Variants in PPID observed in about 807,000 individuals in gnomAD.
PPID encodes peptidylprolyl isomerase D.
Under a neutral mutation model 48.1 loss-of-function variants are expected in PPID, and 47 were observed. The ratio of observed to expected loss-of-function variants is 0.98; its 90% CI spans 0.77 to 1.25. The LOEUF (loss-of-function observed/expected upper bound fraction) is 1.25, where lower values mean the gene tolerates loss of function less well. Ranked by LOEUF, PPID falls within the 50% of genes most tolerant of loss-of-function variation. The pLI, the probability that PPID is intolerant of heterozygous loss-of-function variation, is 0.00. For missense variants in PPID, 429 were observed against 443.5 expected, an observed-to-expected ratio of 0.97 and a Z score of 0.29; for synonymous variants, 163 against 148.8, an observed-to-expected ratio of 1.10 and a Z score of -0.69.
chr4:158,720,935 C>A (rs951649335), intron 2 of PPID, among the ~76,000 whole-genome samples: 13 of 152,148 alleles, frequency 8.5e-5, no homozygotes, highest in Admixed American at 2.0e-4. Flanking sequence ...AAGATGGTCT[C>A]GATCTCCTGA....
At chr4:158,711,632 T>C (rs1774792585) in intron 7 of PPID, among the ~76,000 whole-genome samples, 1 of 152,130 alleles carries the variant, frequency 6.6e-6, no homozygotes, top group Non-Finnish European at 1.5e-5. Flanking sequence ...GTAACATCTT[T>C]TAATGGCCAA....
chr4:158,714,421 A>G (rs6536366), intron 6 of PPID, among the ~76,000 whole-genome samples: 147,127 of 152,204 alleles, frequency 0.97, 71,295 homozygotes, highest in East Asian at 1. Context: ...CATACAGATG[A>G]AAGTCTATAA....
intron 1 of PPID, among the ~76,000 whole-genome samples, chr4:158,721,942 T>C (rs11941866): frequency 6.6e-6 from 1 of 152,024 alleles, no homozygotes; most frequent in Non-Finnish European, 1.5e-5. Context: ...TATCAAATTT[T>C]AAAAAAAATC....
chr4:158,715,198 T>C, intron 6 of PPID, 99 bp downstream of exon 6: 1 of 1,009,000 alleles, frequency 9.9e-7, no homozygotes, highest in East Asian at 3.0e-5. Context: ...ACCTGGTTAT[T>C]CCACAAGTAA....
chr4:158,715,187 C>T, intron 6 of PPID, 110 bp downstream of exon 6: 3 of 903,012 alleles, frequency 3.3e-6, no homozygotes, highest in East Asian at 3.1e-5. Flanking sequence ...TATTTCAACA[C>T]ACCTGGTTAT....
chr4:158,709,924 T>C (rs964626713), intron 9 of PPID, 100 bp from the exon 10 acceptor site: 2 of 905,258 alleles, frequency 2.2e-6, no homozygotes, highest in Non-Finnish European at 3.4e-6. Flanking sequence ...TGAAAAAACT[T>C]CTCTACAAAG....
chr4:158,710,476 T>C lies in PPID; in HGVS notation c.1024+152A>G, dbSNP rs979848254. ...GAGGGCAGGGACTTTGACTGTCTTG[T>C]TCATTGCTATATGATAATGCCTGGC... On this transcript the variant is annotated intron_variant, in intron 9 of 9. Transcript: ENST00000307720. 37 of 757,276 alleles carry C rather than the reference T, an allele frequency of 4.9e-5. No homozygotes were observed. The Admixed American group carries it at 8.5e-4, about 17-fold the overall frequency. The allele number at this position is 757,276 out of a possible 1,614,324, so 46.9% of individuals were successfully genotyped here. A position where few individuals can be genotyped will look rare whatever the true frequency, so the allele number is the denominator to read the frequency against.
In PPID at chr4:158,713,212, C is replaced by T; in HGVS notation, c.801G>A (p.Lys267=). 1.2e-6 allele frequency: 2 copies of T among 1,613,954 alleles called. No individual in the cohort carries two copies. Among genetic ancestry groups the T allele is most frequent in the Non-Finnish European group, 1.7e-6 (2 of 1,179,918 alleles). The part of the protein sequence containing the change: ...KAVIETADRA[K]LQPIALSCVL... ...CACAGCTTAAAGCTATAGGTTGCAG[C>T]TTGGCTCTATCTGCTGTCTCAATAA... Residue 267 remains lysine, a synonymous_variant, in exon 7 of 10, where the codon AAG becomes AAA. Coordinates refer to ENST00000307720, the MANE Select transcript of PPID (RefSeq NM_005038.3).
In PPID at chr4:158,710,711, A is replaced by G. The variant is rs1473694284; in HGVS notation, c.982-41T>C. 5.0e-6 allele frequency: 8 copies of G among 1,610,586 alleles called. No homozygotes were observed. In the East Asian group the frequency reaches 1.6e-4, roughly 31 times the overall value. On this transcript the variant is annotated intron_variant, in intron 8 of 9. Transcript: ENST00000307720. Reference sequence around the variant, plus strand: ...AACATTTAAGTTAGGTGTATGATTTATAAAGGTAGTTGTCTATTTTAAAAA... The same window carrying G: ...AACATTTAAGTTAGGTGTATGATTTGTAAAGGTAGTTGTCTATTTTAAAAA...
intron 7 of PPID, among the ~76,000 whole-genome samples, chr4:158,711,317 CCAGGCTCAAGTGCTCCTCCCACCT>C (rs1158608934): frequency 2.6e-5 from 4 of 152,190 alleles, no homozygotes; most frequent in Admixed American, 2.0e-4. Flanking sequence ...CCTCAACCCC[CCAGGCTCAAGTGCTCCTCCCACCT>C]CAGCCTCCAA....
At chr4:158,720,826 T>C (rs1318703120) in intron 2 of PPID, among the ~76,000 whole-genome samples, 1 of 152,144 alleles carries the variant, frequency 6.6e-6, no homozygotes, top group Non-Finnish European at 1.5e-5. Flanking sequence ...GCCATTCTAC[T>C]GCCTCAGCCT....
chr4:158,719,339 A>G, intron 2 of PPID, 53 bp from the exon 3 acceptor site: 1 of 1,120,606 alleles, frequency 8.9e-7, no homozygotes, highest in Non-Finnish European at 1.4e-6. Flanking sequence ...GCCTTTAGCA[A>G]TGCTTACTAA....
At chr4:158,717,371 T>A (rs1469322971) in intron 3 of PPID, among the ~76,000 whole-genome samples, 171 bp from the exon 4 acceptor site, 1 of 152,208 alleles carries the variant, frequency 6.6e-6, no homozygotes, top group African/African-American at 2.4e-5. Context: ...AATTACTTTT[T>A]ATTTTTTTAT....
chr4:158,709,687 C>G lies in PPID; in HGVS notation c.*49G>C. On this transcript the variant is annotated 3_prime_UTR_variant, in exon 10 of 10. Coordinates refer to ENST00000307720, the MANE Select transcript of PPID (RefSeq NM_005038.3). ...TCATAGACAAAAACCTTTACATTTT[C>G]TTATTGCATTTATACAATCAACACA... The G allele has an allele frequency of 7.3e-7, 1 of 1,368,160 alleles. No homozygotes were observed. Among genetic ancestry groups the G allele is most frequent in the Non-Finnish European group, 1.0e-6 (1 of 970,996 alleles). The allele number at this position is 1,368,160 out of a possible 1,614,324, so 84.8% of individuals were successfully genotyped here.
In PPID at chr4:158,717,234, T is replaced by C; in HGVS notation, c.334-34A>G. ...ATAAAAATTAAAAGAAAACCAAGGT[T>C]AGATGTGTTCTTTTCTGAATTGTGT... On this transcript the variant is annotated intron_variant, in intron 3 of 9. Transcript: ENST00000307720. 2.5e-6 allele frequency: 4 copies of C among 1,571,590 alleles called. No individual in the cohort carries two copies. The South Asian group carries it at 4.6e-5, about 18-fold the overall frequency.
At chr4:158,717,260 G>C in intron 3 of PPID, 60 bp from the exon 4 acceptor site, 2 of 1,477,460 alleles carry the variant, frequency 1.4e-6, no homozygotes, top group Non-Finnish European at 1.8e-6. Context: ...TGAATTGTGT[G>C]TTAGTCTGAA....
chr4:158,715,536 A>G (rs1451651364), intron 5 of PPID, 26 bp downstream of exon 5: 1 of 1,609,432 alleles, frequency 6.2e-7, no homozygotes, highest in Non-Finnish European at 8.5e-7. Context: ...AATTAATTAA[A>G]GTTTGACTAA....
intron 7 of PPID, 23 bp downstream of exon 7, chr4:158,713,096 A>G (rs765215138): frequency 6.2e-7 from 1 of 1,612,764 alleles, no homozygotes; most frequent in South Asian, 1.1e-5. Context: ...TTATTCAAAA[A>G]GTTCAAAATC....
rs1450954192 is a variant in PPID at position 158,723,232 on chromosome 4, G to A, written c.57C>T (p.Phe19=). The A allele has an allele frequency of 6.2e-7, 1 of 1,614,030 alleles. No homozygotes were observed. The highest frequency in any genetic ancestry group is 8.5e-7 in the Non-Finnish European group (1 of 1,180,004). ...KPSNPSNPRV[F]FDVDIGGERV... The stretch of plus-strand genomic sequence containing the variant: ...GCTCCCCTCCGATGTCCACGTCAAA[G>A]AAGACTCGAGGGTTACTGGGGTTGG... The change falls in exon 1 of 10, where the codon TTC becomes TTT. Residue 19 remains phenylalanine, a synonymous_variant. Coordinates refer to ENST00000307720, the MANE Select transcript of PPID (RefSeq NM_005038.3).
Sources: allele counts gnomAD v4.1 joint callset (sites outside exome capture counted in the v4.1 genomes callset), GRCh38; gene constraint gnomAD v4.1.1; transcripts MANE v1.5; gene names NCBI Gene and HGNC (gene_info 2026-07-23, HGNC 2026-07-21).